The following GHR variants were observed in gnomAD, a reference collection of about 807,000 sequenced individuals.
GHR encodes growth hormone receptor.
A neutral mutation model predicts 67.1 loss-of-function variants in GHR; 35 were observed. The ratio of observed to expected loss-of-function variants is 0.52; its 90% confidence interval spans 0.40 to 0.69. GHR has a LOEUF of 0.69. Ranked by LOEUF, GHR falls within the 30% of genes least tolerant of loss-of-function variation. The pLI, the probability that GHR is intolerant of heterozygous loss-of-function variation, is 0.00. For synonymous variants in GHR, 272 were observed against 269.1 expected, an observed-to-expected ratio of 1.01 and a Z score of -0.10; for missense variants, 792 against 764.6, an observed-to-expected ratio of 1.04 and a Z score of -0.42.
At chr5:42,640,326 A>C (rs35841915) in intron 3 of GHR, among the ~76,000 whole-genome samples, 143 of 152,156 alleles carry the variant, frequency 9.4e-4, no homozygotes, top group Non-Finnish European at 1.5e-3. Flanking sequence ...TCCATCTCGA[A>C]ATGGAGATAC....
chr5:42,565,862 AGGTCCTACAGGTAT>A lies in GHR; in HGVS notation c.-10_4del. On this transcript the variant is annotated splice_acceptor_variant and coding_sequence_variant and 5_prime_UTR_variant, in exon 2 of 10. Coordinates refer to ENST00000230882, the MANE Select transcript of GHR (RefSeq NM_000163.5). LOFTEE classifies it high-confidence loss of function. Reference sequence around the variant, plus strand: ...TTTACCTTACCCTTTTTGTGATTGCAGGTCCTACAGGTATGGATCTCTGGCAGCTGCTGTTGACC... The same window carrying A: ...TTTACCTTACCCTTTTTGTGATTGCAGGATCTCTGGCAGCTGCTGTTGACC... The A allele has an allele frequency of 1.2e-6, 2 of 1,613,882 alleles. No homozygotes were observed. The highest frequency in any genetic ancestry group is 1.7e-6 in the Non-Finnish European group (2 of 1,179,780).
chr5:42,477,328 G>C (rs2112133351), intron 1 of GHR, among the ~76,000 whole-genome samples: 1 of 152,182 alleles, frequency 6.6e-6, no homozygotes, highest in Admixed American at 6.5e-5. Flanking sequence ...TGCGAATAGT[G>C]CCACAATAAA....
chr5:42,687,420 T>G (rs1357700781), intron 3 of GHR, among the ~76,000 whole-genome samples: 1 of 152,136 alleles, frequency 6.6e-6, no homozygotes, highest in Non-Finnish European at 1.5e-5. Context: ...ACCCAGCTTA[T>G]TTTTCTACAT....
chr5:42,579,487 G>T (rs1313637000), intron 2 of GHR, among the ~76,000 whole-genome samples: 2 of 152,216 alleles, frequency 1.3e-5, no homozygotes, highest in African/African-American at 4.8e-5. Flanking sequence ...AGCATGTGCT[G>T]CACTAATGGT....
intron 1 of GHR, among the ~76,000 whole-genome samples, chr5:42,472,273 G>A (rs1052731843): frequency 6.6e-6 from 1 of 152,156 alleles, no homozygotes; most frequent in Non-Finnish European, 1.5e-5. Flanking sequence ...ATGTTCTCAT[G>A]TTCTGGTTTT....
intron 1 of GHR, among the ~76,000 whole-genome samples, chr5:42,470,790 C>G (rs773823830): frequency 6.6e-6 from 1 of 152,114 alleles, no homozygotes; most frequent in Non-Finnish European, 1.5e-5. Flanking sequence ...AGCTGAAGGA[C>G]TAATGAATTT....
intron 8 of GHR, among the ~76,000 whole-genome samples, chr5:42,716,975 T>G (rs1370142443): frequency 2.6e-5 from 4 of 152,206 alleles, no homozygotes; most frequent in Non-Finnish European, 4.4e-5. Context: ...TGGAATAATC[T>G]CTGAGCCTTT....
At chr5:42,690,105 G>A (rs896859532) in intron 4 of GHR, among the ~76,000 whole-genome samples, 2 of 152,214 alleles carry the variant, frequency 1.3e-5, no homozygotes, top group Non-Finnish European at 2.9e-5. Flanking sequence ...AACCCCCAGA[G>A]AAGGCCTAAG....
At chr5:42,706,902 G>GT (rs901074519) in intron 6 of GHR, among the ~76,000 whole-genome samples, 3 of 152,038 alleles carry the variant, frequency 2.0e-5, no homozygotes, top group East Asian at 1.9e-4. Context: ...TTTTACAATT[G>GT]TTTTTTCTAA....
At chr5:42,447,743 CCTTT>C (rs527603457) in intron 1 of GHR, among the ~76,000 whole-genome samples, 1,333 of 123,736 alleles carry the variant, frequency 0.011, 16 homozygotes, top group African/African-American at 0.037. Flanking sequence ...TTCTTTCTTT[CCTTT>C]CTTTCTTTCT....
chr5:42,644,247 G>A (rs1406238060), intron 3 of GHR, among the ~76,000 whole-genome samples: 1 of 152,094 alleles, frequency 6.6e-6, no homozygotes, highest in Non-Finnish European at 1.5e-5. Context: ...GATAATTGTT[G>A]AAAATTGTTG....
At chr5:42,674,372 C>T in intron 3 of GHR, among the ~76,000 whole-genome samples, 1 of 152,124 alleles carries the variant, frequency 6.6e-6, no homozygotes, top group East Asian at 1.9e-4. Context: ...ACCCAAATAG[C>T]ATAAAATCCA....
chr5:42,566,839 C>A (rs1357681497), intron 2 of GHR, among the ~76,000 whole-genome samples: 1 of 152,186 alleles, frequency 6.6e-6, no homozygotes, highest in Admixed American at 6.6e-5. Flanking sequence ...AGTTTAACAG[C>A]AGACTTAGCG....
intron 1 of GHR, among the ~76,000 whole-genome samples, chr5:42,427,997 G>T (rs1742927932): frequency 2.0e-5 from 3 of 152,218 alleles, no homozygotes; most frequent in African/African-American, 7.2e-5. Context: ...GGGTGCTGGG[G>T]AATGGTGGCC....
intron 1 of GHR, among the ~76,000 whole-genome samples, chr5:42,555,671 G>T (rs1749266512): frequency 6.6e-6 from 1 of 152,168 alleles, no homozygotes; most frequent in South Asian, 2.1e-4. Flanking sequence ...AGGGTTGAAT[G>T]AAATAAGAAG....
intron 1 of GHR, among the ~76,000 whole-genome samples, chr5:42,563,511 G>A (rs1363171528): frequency 6.6e-6 from 1 of 151,746 alleles, no homozygotes; most frequent in Non-Finnish European, 1.5e-5. Flanking sequence ...CCAGCTACTC[G>A]GGAGGCTGAG....
chr5:42,505,512 A>G (rs1202780154), intron 1 of GHR, among the ~76,000 whole-genome samples: 2 of 152,146 alleles, frequency 1.3e-5, no homozygotes, highest in East Asian at 3.8e-4. Flanking sequence ...TGTTAGAAAG[A>G]TAAGACTTCA....
chr5:42,711,231 G>A lies in GHR; in HGVS notation c.643G>A (p.Val215Ile). 6.2e-7 allele frequency: 1 copy of A among 1,613,382 alleles called. No homozygotes were observed. The highest frequency in any genetic ancestry group is 8.5e-7 in the Non-Finnish European group (1 of 1,179,350). ...KMMDPILTTS[V>I]PVYSLKVDKE... is the part of the protein sequence containing the mutation. ...GATGGACCCTATATTGACAACATCAGTTCCAGTGTACTCATTGAAAGTGGA... is the reference window on the plus strand; with the variant it reads ...GATGGACCCTATATTGACAACATCAATTCCAGTGTACTCATTGAAAGTGGA... The change falls in exon 7 of 10, where the codon GTT (valine) becomes ATT (isoleucine). Residue 215 changes from valine to isoleucine, a missense_variant. By Grantham distance (29) the Val-to-Ile change is conservative. Transcript: ENST00000230882.
In GHR at chr5:42,508,567, A is replaced by AGTTT. The variant is rs552462948; in HGVS notation, c.-11-57276_-11-57273dup. On this transcript the variant is annotated intron_variant, in intron 1 of 9. Coordinates refer to ENST00000230882, the MANE Select transcript of GHR (RefSeq NM_000163.5). ...ACATTGCACCTATCTCCCAGCAGGA[A>AGTTT]GTTTGTTTGTTTGTTTGTTTGTTTT... Among the ~76,000 whole-genome samples the AGTTT allele has an allele frequency of 7.6e-3, 1,149 of 152,090 alleles. 15 individuals carry two copies. Among genetic ancestry groups the AGTTT allele is most frequent in the African/African-American group, 0.026 (1,071 of 41,512 alleles).
Sources: allele counts gnomAD v4.1 joint callset (sites outside exome capture counted in the v4.1 genomes callset), GRCh38; gene constraint gnomAD v4.1.1; transcripts MANE v1.5; gene names NCBI Gene and HGNC (gene_info 2026-07-23, HGNC 2026-07-21).